PCDHA2: variants seen among roughly 807,000 people sequenced by gnomAD.
The protein encoded by PCDHA2 is protocadherin alpha-2.
PCDHA2 carries 58 observed loss-of-function variants against 66.0 expected under a neutral mutation model. The observed-to-expected ratio is 0.88, with a 90% CI of 0.71 to 1.09. The LOEUF (loss-of-function observed/expected upper bound fraction) is 1.09. PCDHA2 is among the 50% of genes least tolerant of loss of function. The pLI, the probability that PCDHA2 is intolerant of heterozygous loss-of-function variation, is 0.00. For missense variants in PCDHA2, 1,267 were observed against 1,242.3 expected (o/e 1.02, Z -0.30); for synonymous variants, 634 against 554.0 (o/e 1.14, Z -2.03).
intron 1 of PCDHA2, chr5:140,807,237 T>A (rs781879266): frequency 1.9e-6 from 3 of 1,614,194 alleles, no homozygotes; most frequent in Non-Finnish European, 2.5e-6. Flanking sequence ...CTGCTGCTCT[T>A]ACTTCTTCTC....
At chr5:140,961,252 C>T (rs1185090498) in intron 1 of PCDHA2, among the ~76,000 whole-genome samples, 1 of 152,158 alleles carries the variant, frequency 6.6e-6, no homozygotes, top group African/African-American at 2.4e-5. Context: ...TTATCCGAAG[C>T]TCCAGGAAGC....
intron 1 of PCDHA2, chr5:140,927,810 G>C: frequency 6.2e-7 from 1 of 1,614,200 alleles, no homozygotes. Flanking sequence ...AAACGCTCTT[G>C]GAGGCATACA....
chr5:140,915,049 G>A (rs141616466), intron 1 of PCDHA2, among the ~76,000 whole-genome samples: 6,100 of 150,756 alleles, frequency 0.04, 138 homozygotes, highest in Non-Finnish European at 0.052. Flanking sequence ...GGGTTCAAGC[G>A]ATTCTCCTGC....
chr5:140,915,665 G>A (rs1208319882), intron 1 of PCDHA2, among the ~76,000 whole-genome samples: 1 of 149,092 alleles, frequency 6.7e-6, no homozygotes, highest in African/African-American at 2.5e-5. Context: ...TCAAGGTGCT[G>A]GGCCATCTTG....
intron 1 of PCDHA2, chr5:140,857,805 C>CG: frequency 6.3e-7 from 1 of 1,597,714 alleles, no homozygotes; most frequent in Non-Finnish European, 8.6e-7. Context: ...TCGGTGGTTG[C>CG]GGGTCACGTG....
At chr5:140,797,588 G>A in intron 1 of PCDHA2, 1 of 575,892 alleles carries the variant, frequency 1.7e-6, no homozygotes, top group Non-Finnish European at 3.0e-6. Context: ...TAAGTCATAA[G>A]TAATAGACCA....
At chr5:140,809,211 C>A (rs1554125084) in intron 1 of PCDHA2, 3 of 1,614,048 alleles carry the variant, frequency 1.9e-6, no homozygotes, top group Admixed American at 1.7e-5. Flanking sequence ...AGTGGACAGG[C>A]GCCAAAGGCC....
intron 3 of PCDHA2, among the ~76,000 whole-genome samples, chr5:140,984,004 A>G (rs1039333145): frequency 6.6e-6 from 1 of 152,196 alleles, no homozygotes; most frequent in Admixed American, 6.5e-5. Context: ...TTAGAGAGCT[A>G]ATATTGCCAG....
At chr5:140,821,649 T>G in intron 1 of PCDHA2, 1 of 1,086,066 alleles carries the variant, frequency 9.2e-7, no homozygotes, top group East Asian at 2.6e-5. Flanking sequence ...GAACCTTCCA[T>G]TTTTGGCTGT....
At chr5:140,884,307 C>G (rs144612735) in intron 1 of PCDHA2, 1 of 1,613,724 alleles carries the variant, frequency 6.2e-7, no homozygotes. Context: ...CAGGCTTCGT[C>G]GAGGGCGTCG....
chr5:140,857,226 C>G, intron 1 of PCDHA2: 2 of 1,598,494 alleles, frequency 1.3e-6, no homozygotes, highest in Non-Finnish European at 1.7e-6. Context: ...CCTCACGTTC[C>G]GTTCAAGCTG....
At chr5:140,829,849 T>C in intron 1 of PCDHA2, 1 of 1,613,860 alleles carries the variant, frequency 6.2e-7, no homozygotes, top group Non-Finnish European at 8.5e-7. Context: ...GGTCACTGGG[T>C]GCAGGCCAAG....
intron 3 of PCDHA2, among the ~76,000 whole-genome samples, chr5:141,004,253 C>G (rs1460798910): frequency 6.6e-6 from 1 of 152,200 alleles, no homozygotes; most frequent in Non-Finnish European, 1.5e-5. Flanking sequence ...TTTTGTTTTA[C>G]TGGAATGAGT....
intron 1 of PCDHA2, among the ~76,000 whole-genome samples, chr5:140,978,377 G>GT (rs1554239246): frequency 6.6e-6 from 1 of 152,212 alleles, no homozygotes; most frequent in Non-Finnish European, 1.5e-5. Context: ...GCAATAGTTT[G>GT]TTTTCCTCTC....
intron 1 of PCDHA2, among the ~76,000 whole-genome samples, chr5:140,900,028 T>C (rs1554188848): frequency 1.3e-5 from 2 of 152,132 alleles, no homozygotes; most frequent in Admixed American, 1.3e-4. Flanking sequence ...CAGTTTGGCC[T>C]TGAATTCCTG....
At chr5:140,952,621 T>C (rs1002649302) in intron 1 of PCDHA2, among the ~76,000 whole-genome samples, 3 of 152,168 alleles carry the variant, frequency 2.0e-5, no homozygotes, top group Admixed American at 2.0e-4. Context: ...TCATCTTCCC[T>C]CCACACTATT....
intron 1 of PCDHA2, chr5:140,968,172 T>C (rs2096226402): frequency 6.2e-7 from 1 of 1,614,110 alleles, no homozygotes; most frequent in Non-Finnish European, 8.5e-7. Flanking sequence ...CCACCAAGCT[T>C]CCTGGAGGAC....
intron 1 of PCDHA2, among the ~76,000 whole-genome samples, chr5:140,917,076 T>C (rs986884478): frequency 1.3e-5 from 2 of 152,124 alleles, no homozygotes; most frequent in East Asian, 3.9e-4. Flanking sequence ...CCGAGTTTAA[T>C]GTAAAGTTCC....
chr5:141,008,074 G>A (rs1484978543), intron 3 of PCDHA2, among the ~76,000 whole-genome samples: 1 of 151,988 alleles, frequency 6.6e-6, no homozygotes, highest in Non-Finnish European at 1.5e-5. Flanking sequence ...AGAACTTATT[G>A]GGGTTATTCT....
Sources: gnomAD v4.1 joint callset for allele counts (sites outside exome capture counted in the v4.1 genomes callset) on GRCh38, gnomAD v4.1.1 for gene constraint, MANE v1.5 for transcripts, NCBI Gene and HGNC (gene_info 2026-07-23, HGNC 2026-07-21) for gene names.